The following ATG13 variants were observed in gnomAD, a reference collection of about 807,000 sequenced individuals.
The protein encoded by ATG13 is autophagy-related protein 13.
A neutral mutation model predicts 65.5 loss-of-function variants in ATG13; 23 were observed. The observed-to-expected ratio is 0.35, with a 90% CI of 0.25 to 0.50. The LOEUF is 0.50. Ranked by LOEUF, ATG13 falls within the 20% of genes least tolerant of loss-of-function variation. The pLI is 0.98. For synonymous variants in ATG13, 252 were observed against 245.2 expected (o/e 1.03, Z -0.26); for missense variants, 566 against 677.0 (o/e 0.84, Z 1.82).
At chr11:46,640,849 A>G (rs1028473412) in intron 2 of ATG13, among the ~76,000 whole-genome samples, 2 of 152,228 alleles carry the variant, frequency 1.3e-5, no homozygotes, top group Non-Finnish European at 2.9e-5. Flanking sequence ...ATTTATAGCA[A>G]CTGGAGCACT....
chr11:46,617,570 A>C lies in ATG13; in HGVS notation c.-390A>C. The C allele has an allele frequency of 2.6e-5, 3 of 115,864 alleles. No homozygotes were observed. Among genetic ancestry groups the C allele is most frequent in the Non-Finnish European group, 4.8e-5 (3 of 62,508 alleles). The allele number at this position is 115,864 out of a possible 1,614,324, so 7.2% of individuals were successfully genotyped here. A position where few individuals can be genotyped will look rare whatever the true frequency, so the allele number is the denominator to read the frequency against. On this transcript the variant is annotated 5_prime_UTR_variant, in exon 1 of 19. It removes an upstream start codon present in the reference 5' UTR. Coordinates refer to ENST00000683050, the MANE Select transcript of ATG13 (RefSeq NM_001346311.2). ...CCCCCCCCGGCCATTACCGAAGCGG[A>C]TGAAAACAAACACTAACGATGGCGG...
chr11:46,643,163 T>C (rs1314847944), intron 2 of ATG13, among the ~76,000 whole-genome samples: 1 of 152,172 alleles, frequency 6.6e-6, no homozygotes, highest in Non-Finnish European at 1.5e-5. Context: ...ACCAGAGGTC[T>C]CTCAGACATT....
intron 8 of ATG13, 102 bp from the exon 9 acceptor site, chr11:46,656,993 G>A: frequency 1.1e-6 from 1 of 940,784 alleles, no homozygotes; most frequent in South Asian, 1.3e-5. Flanking sequence ...AGTGGATAAT[G>A]CCAGAGATTA....
In ATG13 at chr11:46,669,335, A is replaced by C. The variant is rs913217392; in HGVS notation, c.1447-69A>C. 4 of 1,564,216 alleles carry C rather than the reference A, an allele frequency of 2.6e-6. No individual in the cohort carries two copies. In the African/African-American group the frequency reaches 5.5e-5, roughly 21 times the overall value. On this transcript the variant is annotated intron_variant, in intron 17 of 18. Transcript: ENST00000683050. ...ACCTTTTGATAATTGCTAGAAGGAAAGACTTGTTCATAGCTTATCTCCTCT... is the reference window on the plus strand; with the variant it reads ...ACCTTTTGATAATTGCTAGAAGGAACGACTTGTTCATAGCTTATCTCCTCT...
intron 1 of ATG13, among the ~76,000 whole-genome samples, chr11:46,626,144 A>G (rs1479363156): frequency 2.0e-5 from 3 of 152,004 alleles, no homozygotes; most frequent in African/African-American, 7.3e-5. Flanking sequence ...TTTAGTAGAG[A>G]CAGGGTTTCA....
rs1319103360 is a variant in ATG13, at chr11:46,657,140, C to T, written c.545C>T (p.Thr182Ile). 1 of 1,614,134 alleles carries T rather than the reference C, an allele frequency of 6.2e-7. No individual in the cohort carries two copies. Among genetic ancestry groups the T allele is most frequent in the Admixed American group, 1.7e-5 (1 of 60,016 alleles). Residue 182 changes from threonine (T) to isoleucine (I), a missense_variant, in exon 9 of 19, where the codon ACC (threonine) becomes ATC (isoleucine). Coordinates refer to ENST00000683050, the MANE Select transcript of ATG13 (RefSeq NM_001346311.2). ...GGGACAGTGGGCACCCCTGTGGGCA[C>T]CATCACTCTTTCTTGTGCTTACAGA... ...RVGTVGTPVG[T>I]ITLSCAYRIN...
chr11:46,623,641 T>A (rs1330138731), intron 1 of ATG13, among the ~76,000 whole-genome samples: 1 of 152,120 alleles, frequency 6.6e-6, no homozygotes, highest in Non-Finnish European at 1.5e-5. Flanking sequence ...TTGGCCAGGC[T>A]GGTCTCGAAC....
intron 5 of ATG13, among the ~76,000 whole-genome samples, chr11:46,647,271 GTTTTTTTTGTTTTTTTTT>G (rs2057819916): frequency 2.3e-5 from 3 of 132,882 alleles, no homozygotes; most frequent in Admixed American, 1.5e-4. Flanking sequence ...TTGGGTTTTT[GTTTTTTTTGTTTTTTTTT>G]TTTGTTTTTT....
At chr11:46,651,489 G>A (rs914451188) in intron 7 of ATG13, among the ~76,000 whole-genome samples, 2 of 152,212 alleles carry the variant, frequency 1.3e-5, no homozygotes, top group Non-Finnish European at 2.9e-5. Flanking sequence ...GGAGTAGAGG[G>A]TATGTAGCAA....
intron 1 of ATG13, among the ~76,000 whole-genome samples, chr11:46,619,585 T>C (rs942874947): frequency 6.6e-6 from 1 of 151,780 alleles, no homozygotes; most frequent in Non-Finnish European, 1.5e-5. Context: ...GGTTTCTCCA[T>C]GTTAGTTAGG....
At chr11:46,668,607 T>C in intron 16 of ATG13, 31 bp downstream of exon 16, 1 of 1,598,968 alleles carries the variant, frequency 6.3e-7, no homozygotes, top group Non-Finnish European at 8.6e-7. Context: ...GAGTTCCCAG[T>C]AGATGGTGCG....
chr11:46,668,735 T>G (rs1044434195), intron 16 of ATG13, 59 bp from the exon 17 acceptor site: 67 of 1,518,432 alleles, frequency 4.4e-5, no homozygotes, highest in South Asian at 1.7e-4. Context: ...TCAGATTGTT[T>G]ACAGTAACTT....
At position 46,674,042 on chromosome 11, in the gene ATG13, T is replaced by C. The variant is rs2064283115; in HGVS notation, c.*1710T>C. On this transcript the variant is annotated 3_prime_UTR_variant, in exon 19 of 19. Coordinates refer to ENST00000683050, the MANE Select transcript of ATG13 (RefSeq NM_001346311.2). Reference sequence around the variant, plus strand: ...CCTCCTGACTTTGGCCCAGAGCACATGCGTGGCTTGCTGAACCCAGGCTCA... The same window carrying C: ...CCTCCTGACTTTGGCCCAGAGCACACGCGTGGCTTGCTGAACCCAGGCTCA... 6.6e-6 allele frequency: 1 copy of C among 152,196 alleles called. No homozygotes were observed. The highest frequency in any genetic ancestry group is 1.5e-5 in the Non-Finnish European group (1 of 68,064). 9.4% of individuals were successfully genotyped at this position (152,196 alleles called of 1,614,324 possible).
At chr11:46,649,228 A>G (rs1328585226) in intron 6 of ATG13, 45 bp downstream of exon 6, 2 of 1,578,304 alleles carry the variant, frequency 1.3e-6, no homozygotes, top group Admixed American at 3.6e-5. Flanking sequence ...TGCTGAGGAT[A>G]AAGTAGATGA....
intron 2 of ATG13, among the ~76,000 whole-genome samples, chr11:46,640,311 C>T (rs1345810317): frequency 6.6e-6 from 1 of 152,220 alleles, no homozygotes; most frequent in African/African-American, 2.4e-5. Flanking sequence ...AGAATGGCTT[C>T]ATAGCCACTG....
At chr11:46,620,277 T>G (rs2047029304) in intron 1 of ATG13, among the ~76,000 whole-genome samples, 1 of 150,780 alleles carries the variant, frequency 6.6e-6, no homozygotes, top group Non-Finnish European at 1.5e-5. Flanking sequence ...GTATTTTTAG[T>G]GGAGATGAGG....
At chr11:46,655,276 G>GT (rs1434806306) in intron 7 of ATG13, among the ~76,000 whole-genome samples, 2 of 152,056 alleles carry the variant, frequency 1.3e-5, no homozygotes, top group African/African-American at 4.8e-5. Flanking sequence ...GCGGACACCT[G>GT]TAGTCCAGCT....
At chr11:46,658,151 C>A (rs993334607) in intron 10 of ATG13, among the ~76,000 whole-genome samples, 50 of 151,930 alleles carry the variant, frequency 3.3e-4, no homozygotes, top group African/African-American at 1.2e-3. Context: ...ATATCCTTGA[C>A]AAATTAATTG....
intron 11 of ATG13, among the ~76,000 whole-genome samples, chr11:46,663,062 G>A (rs980042068): frequency 5.9e-5 from 9 of 151,926 alleles, no homozygotes; most frequent in South Asian, 2.1e-4. Flanking sequence ...TCAGGAGATC[G>A]AGACCATCCT....
Sources: allele counts gnomAD v4.1 joint callset (sites outside exome capture counted in the v4.1 genomes callset), GRCh38; gene constraint gnomAD v4.1.1; transcripts MANE v1.5; gene names NCBI Gene and HGNC (gene_info 2026-07-23, HGNC 2026-07-21).